The following RILP variants were observed in gnomAD, a reference collection of about 807,000 sequenced individuals.
RILP encodes Rab interacting lysosomal protein, also known as rab-interacting lysosomal protein.
Under a neutral mutation model 40.0 loss-of-function variants are expected in RILP, and 53 were observed. The ratio of observed to expected loss-of-function variants is 1.32; its 90% confidence interval spans 1.06 to 1.66. RILP has a LOEUF of 1.66. Among genes scored for constraint, RILP ranks in the 40% most tolerant of loss-of-function variants. The pLI, the probability that RILP is intolerant of heterozygous loss-of-function variation, is 0.00. For synonymous variants in RILP, 272 were observed against 250.6 expected, an observed-to-expected ratio of 1.09 and a Z score of -0.80; for missense variants, 626 against 551.7, an observed-to-expected ratio of 1.13 and a Z score of -1.35.
Position 1,648,340 on chromosome 17 carries a change from G to A in RILP, c.821+10C>T. 2 of 1,611,872 alleles carry A rather than the reference G, an allele frequency of 1.2e-6. No individual in the cohort carries two copies. The highest frequency in any genetic ancestry group is 1.7e-6 in the Non-Finnish European group (2 of 1,179,202). On this transcript the variant is annotated intron_variant, in intron 5 of 7. Coordinates refer to ENST00000301336, the MANE Select transcript of RILP (RefSeq NM_031430.3). This position sits in a 1 kb window ranked among gnomAD's most constrained non-coding sequence, Gnocchi z 4.9. ...TGATCGGAGGCCCCCCGGCTTCCCA[G>A]CGTCCTCACCGCTGGAAGTAGGCCA... is the stretch of plus-strand genomic sequence containing the variant.
At position 1,649,056 on chromosome 17, in the gene RILP, G is replaced by A. The variant is rs1204639336; in HGVS notation, c.430-12C>T. 5 of 795,920 alleles carry A rather than the reference G, an allele frequency of 6.3e-6. No homozygotes were observed. The highest frequency in any genetic ancestry group is 8.9e-5 in the East Asian group (1 of 11,242). 49.3% of individuals were successfully genotyped at this position (795,920 alleles called of 1,614,324 possible). On this transcript the variant is annotated splice_polypyrimidine_tract_variant and intron_variant, in intron 3 of 7. Transcript: ENST00000301336. This position sits in a 1 kb window ranked among gnomAD's most constrained non-coding sequence, Gnocchi z 4.3. ...AGCTGCTCCTGCAACTGGGAGCGGAGCAAAGGGTGGGGTGGGCGGGGCACC... is the reference window on the plus strand; with the variant it reads ...AGCTGCTCCTGCAACTGGGAGCGGAACAAAGGGTGGGGTGGGCGGGGCACC...
In RILP at chr17:1,649,588, C is replaced by T; in HGVS notation, c.217G>A (p.Ala73Thr). Residue 73 changes from alanine to threonine, a missense_variant, in exon 1 of 8, where the codon GCC becomes ACC. Coordinates refer to ENST00000301336, the MANE Select transcript of RILP (RefSeq NM_031430.3). The surrounding 1 kb of genome is among the most constrained non-coding windows in gnomAD (Gnocchi z 4.3). ...GGGCCATGACTCACCGAGTCCGGGG[C>T]GGGCCCCACGGCAGCCTGTTCCAAG... is the stretch of plus-strand genomic sequence containing the variant. ...ELLEQAAVGP[A>T]PDSLQVSAQP... 6.4e-7 allele frequency: 1 copy of T among 1,563,170 alleles called. No individual in the cohort carries two copies.
In RILP at chr17:1,649,772, A is replaced by G; in HGVS notation, c.33T>C (p.Pro11=). The G allele has an allele frequency of 6.4e-7, 1 of 1,570,696 alleles. No individual in the cohort carries two copies. Among genetic ancestry groups the G allele is most frequent in the South Asian group, 1.1e-5 (1 of 87,324 alleles). The part of the protein sequence containing the change: MEPRRAAPGV[P]GWGSREAAGS... ...CCGCGGCCTCCCGAGACCCCCAGCC[A>G]GGCACCCCGGGCGCCGCCCTCCTGG... The change falls in exon 1 of 8, where the codon CCT becomes CCC. Residue 11 remains proline, a synonymous_variant. Transcript: ENST00000301336. The surrounding 1 kb of genome is among the most constrained non-coding windows in gnomAD (Gnocchi z 4.3).
Position 1,646,714 on chromosome 17 carries a change from G to T in RILP, c.1029-95C>A. ...GGGATGGTGAGAAAAGGGGAGAGGG[G>T]GAAGAAAGGGCAGCCTGAGGGAGTG... On this transcript the variant is annotated intron_variant, in intron 7 of 7. Coordinates refer to ENST00000301336, the MANE Select transcript of RILP (RefSeq NM_031430.3). This position sits in a 1 kb window ranked among gnomAD's most constrained non-coding sequence, Gnocchi z 4.3. The T allele has an allele frequency of 7.6e-7, 1 of 1,321,356 alleles. No individual in the cohort carries two copies. The highest frequency in any genetic ancestry group is 1.0e-6 in the Non-Finnish European group (1 of 959,864). 81.9% of individuals were successfully genotyped at this position (1,321,356 alleles called of 1,614,324 possible).
chr17:1,648,466 G>A lies in RILP; in HGVS notation c.705C>T (p.Pro235=), dbSNP rs1910741144. ...PAEAAQQLGR[P]SEAGQCRFSR... ...TGAAGCGGCACTGCCCTGCCTCCGAGGGGCGCCCGAGCTGCTGCGCGGCCT... is the reference window on the plus strand; with the variant it reads ...TGAAGCGGCACTGCCCTGCCTCCGAAGGGCGCCCGAGCTGCTGCGCGGCCT... Residue 235 remains proline (P), a synonymous_variant, in exon 5 of 8, where the codon CCC becomes CCT. Coordinates refer to ENST00000301336, the MANE Select transcript of RILP (RefSeq NM_031430.3). This position sits in a 1 kb window ranked among gnomAD's most constrained non-coding sequence, Gnocchi z 4.9. 10 of 1,613,788 alleles carry A rather than the reference G, an allele frequency of 6.2e-6. No individual in the cohort carries two copies. Among genetic ancestry groups the A allele is most frequent in the Non-Finnish European group, 8.5e-6 (10 of 1,180,022 alleles).
rs1299283617 is a variant in RILP at position 1,648,893 on chromosome 17, G to C, written c.581C>G (p.Ala194Gly). ...EAATPQAKER[A>G]RGQAGRPGHQ... ...CCCGGGCCGCCCGGCCTGCCCCCGC[G>C]CTCGCTCTTTAGCCTGCGGAGTCGC... The change falls in exon 4 of 8, where the codon GCG becomes GGG. Residue 194 changes from alanine to glycine, a missense_variant. Coordinates refer to ENST00000301336, the MANE Select transcript of RILP (RefSeq NM_031430.3). The surrounding 1 kb of genome is among the most constrained non-coding windows in gnomAD (Gnocchi z 4.9). 4 of 1,528,184 alleles carry C rather than the reference G, an allele frequency of 2.6e-6. No individual in the cohort carries two copies. Among genetic ancestry groups the C allele is most frequent in the Admixed American group, 2.0e-5 (1 of 50,918 alleles). The allele number at this position is 1,528,184 out of a possible 1,614,324, so 94.7% of individuals were successfully genotyped here.
Position 1,649,330 on chromosome 17 carries a change from G to T in RILP, c.323-24C>A. On this transcript the variant is annotated intron_variant, in intron 2 of 7. Transcript: ENST00000301336. This position sits in a 1 kb window ranked among gnomAD's most constrained non-coding sequence, Gnocchi z 4.3. ...CTCTGAGGAAGGGGCGTTCTTAGCG[G>T]CGGCGGCGCGCGGCCCGCGGGAGGG... 1 of 1,489,126 alleles carries T rather than the reference G, an allele frequency of 6.7e-7. No homozygotes were observed. The highest frequency in any genetic ancestry group is 8.9e-7 in the Non-Finnish European group (1 of 1,126,216). The allele number at this position is 1,489,126 out of a possible 1,614,324, so 92.2% of individuals were successfully genotyped here. A position where few individuals can be genotyped will look rare whatever the true frequency, so the allele number is the denominator to read the frequency against.
intron 6 of RILP, 107 bp from the exon 7 acceptor site, chr17:1,647,096 G>C (rs1231314581): frequency 1.6e-6 from 1 of 607,444 alleles, no homozygotes; most frequent in African/African-American, 1.9e-5. Flanking sequence ...CGGGGCTGGA[G>C]AGAAGGCAAC....
rs775256168 is a variant in RILP, at chr17:1,649,617, T to G, written c.188A>C (p.Glu63Ala). The G allele has an allele frequency of 1.3e-6, 2 of 1,579,576 alleles. No homozygotes were observed. The highest frequency in any genetic ancestry group is 3.5e-5 in the Admixed American group (2 of 57,742). ...GLVPLVVRALELLEQAAVGPA... is the reference protein window; with the variant it reads ...GLVPLVVRALALLEQAAVGPA... ...CCCCACGGCAGCCTGTTCCAAGAGC[T>G]CCAGCGCCCGCACCACTAGCGGCAC... Residue 63 changes from glutamate (E) to alanine (A), a missense_variant, in exon 1 of 8, where the codon GAG (glutamate) becomes GCG (alanine). Physicochemically the swap from Glu to Ala is moderately radical, Grantham distance 107. Transcript: ENST00000301336. The surrounding 1 kb of genome is among the most constrained non-coding windows in gnomAD (Gnocchi z 4.3).
chr17:1,646,365 C>T lies in RILP; in HGVS notation c.*77G>A. The T allele has an allele frequency of 2.1e-6, 3 of 1,406,134 alleles. No individual in the cohort carries two copies. Among genetic ancestry groups the T allele is most frequent in the Non-Finnish European group, 2.9e-6 (3 of 1,040,988 alleles). 87.1% of individuals were successfully genotyped at this position (1,406,134 alleles called of 1,614,324 possible). On this transcript the variant is annotated 3_prime_UTR_variant, in exon 8 of 8. Transcript: ENST00000301336. The surrounding 1 kb of genome is among the most constrained non-coding windows in gnomAD (Gnocchi z 4.3). ...TGATGCAGGCCAGGATTGGGGCAGA[C>T]CCCTGGCGAGGGCTGTGAAGGCGGG...
Position 1,649,334 on chromosome 17 carries a change from C to T in RILP, c.323-28G>A. The stretch of plus-strand genomic sequence containing the variant: ...GAGGAAGGGGCGTTCTTAGCGGCGG[C>T]GGCGCGCGGCCCGCGGGAGGGAGGG... On this transcript the variant is annotated intron_variant, in intron 2 of 7. Coordinates refer to ENST00000301336, the MANE Select transcript of RILP (RefSeq NM_031430.3). This position sits in a 1 kb window ranked among gnomAD's most constrained non-coding sequence, Gnocchi z 4.3. 2.7e-6 allele frequency: 4 copies of T among 1,488,470 alleles called. No homozygotes were observed. Among genetic ancestry groups the T allele is most frequent in the South Asian group, 2.5e-5 (2 of 79,342 alleles). The allele number at this position is 1,488,470 out of a possible 1,614,324, so 92.2% of individuals were successfully genotyped here.
In RILP at chr17:1,649,709, G is replaced by T. The variant is rs9896488; in HGVS notation, c.96C>A (p.Ala32=). The T allele has an allele frequency of 0.013, 21,294 of 1,592,834 alleles. 1,397 individuals carry two copies. In the African/African-American group the frequency reaches 0.18, roughly 13 times the overall value. ...CCTGCAGCTCAGTGCCCAGGGCCCCGGCTAGATGGTACACAAGCTCCGCGG... is the reference window on the plus strand; with the variant it reads ...CCTGCAGCTCAGTGCCCAGGGCCCCTGCTAGATGGTACACAAGCTCCGCGG... ...ASAAELVYHL[A]GALGTELQDL... The change falls in exon 1 of 8, where the codon GCC becomes GCA. Residue 32 remains alanine (A), a synonymous_variant. Coordinates refer to ENST00000301336, the MANE Select transcript of RILP (RefSeq NM_031430.3). This position sits in a 1 kb window ranked among gnomAD's most constrained non-coding sequence, Gnocchi z 4.3.
chr17:1,649,759 G>A lies in RILP; in HGVS notation c.46C>T (p.Arg16Trp), dbSNP rs1910873193. The A allele has an allele frequency of 1.9e-6, 3 of 1,584,312 alleles. No individual in the cohort carries two copies. The highest frequency in any genetic ancestry group is 2.6e-6 in the Non-Finnish European group (3 of 1,172,840). Reference sequence around the variant, plus strand: ...GCCGATGCCGACCCCGCGGCCTCCCGAGACCCCCAGCCAGGCACCCCGGGC... The same window carrying A: ...GCCGATGCCGACCCCGCGGCCTCCCAAGACCCCCAGCCAGGCACCCCGGGC... ...AAPGVPGWGS[R>W]EAAGSASAAE... The change falls in exon 1 of 8, where the codon CGG becomes TGG. Residue 16 changes from arginine to tryptophan, a missense_variant. By Grantham distance (101) the Arg-to-Trp change is moderately radical. Coordinates refer to ENST00000301336, the MANE Select transcript of RILP (RefSeq NM_031430.3). The surrounding 1 kb of genome is among the most constrained non-coding windows in gnomAD (Gnocchi z 4.3).
chr17:1,648,359 T>G lies in RILP; in HGVS notation c.812A>C (p.Tyr271Ser), dbSNP rs143225615. The change falls in exon 5 of 8, where the codon TAC becomes TCC. Residue 271 changes from tyrosine (Y) to serine (S), a missense_variant. Transcript: ENST00000301336. This position sits in a 1 kb window ranked among gnomAD's most constrained non-coding sequence, Gnocchi z 4.9. ...TTCCCAGCGTCCTCACCGCTGGAAG[T>G]AGGCCAGTTCCTCCTTGAGCAGGAA... ...KVFLLKEELA[Y>S]FQRELLTDHR... The G allele has an allele frequency of 6.7e-4, 1,087 of 1,613,612 alleles. 7 individuals are homozygous for G. The African/African-American group carries it at 0.013, about 19-fold the overall frequency.
In RILP at chr17:1,648,960, C is replaced by G. The variant is rs1170906493; in HGVS notation, c.514G>C (p.Ala172Pro). The G allele has an allele frequency of 2.9e-5, 44 of 1,504,586 alleles. No individual in the cohort carries two copies. The highest frequency in any genetic ancestry group is 3.7e-5 in the Non-Finnish European group (42 of 1,132,584). 93.2% of individuals were successfully genotyped at this position (1,504,586 alleles called of 1,614,324 possible). The change falls in exon 4 of 8, where the codon GCG (alanine) becomes CCG (proline). Residue 172 changes from alanine to proline, a missense_variant. By Grantham distance (27) the Ala-to-Pro change is conservative (BLOSUM62 -1). Transcript: ENST00000301336. The surrounding 1 kb of genome is among the most constrained non-coding windows in gnomAD (Gnocchi z 4.9). ...TGGCGCTCCCTCTCGCGGTCCTGCGCGGCGCGCAGCTGGGTCTGCATGGCC... is the reference window on the plus strand; with the variant it reads ...TGGCGCTCCCTCTCGCGGTCCTGCGGGGCGCGCAGCTGGGTCTGCATGGCC... ...LAAMQTQLRA[A>P]QDRERERQQP...
In RILP at chr17:1,648,019, G is replaced by A; in HGVS notation, c.822-62C>T. The A allele has an allele frequency of 6.3e-7, 1 of 1,599,814 alleles. No individual in the cohort carries two copies. Among genetic ancestry groups the A allele is most frequent in the Non-Finnish European group, 8.5e-7 (1 of 1,174,034 alleles). The stretch of plus-strand genomic sequence containing the variant: ...GATGCCAGCCATGGGGATGCCAGCA[G>A]TGGAGATGCCAGCCGCAGTCCTCAC... On this transcript the variant is annotated intron_variant, in intron 5 of 7. Coordinates refer to ENST00000301336, the MANE Select transcript of RILP (RefSeq NM_031430.3). The surrounding 1 kb of genome is among the most constrained non-coding windows in gnomAD (Gnocchi z 4.9).
Position 1,649,694 on chromosome 17 carries a change from A to G in RILP, c.111T>C (p.Thr37=), listed in dbSNP as rs1260257940. The change falls in exon 1 of 8, where the codon ACT becomes ACC. Residue 37 remains threonine (T), a synonymous_variant. Transcript: ENST00000301336. This position sits in a 1 kb window ranked among gnomAD's most constrained non-coding sequence, Gnocchi z 4.3. ...AACGGCGCGCCAGATCCTGCAGCTC[A>G]GTGCCCAGGGCCCCGGCTAGATGGT... ...LVYHLAGALG[T]ELQDLARRFG... is the part of the protein sequence containing the mutation. 1 of 1,591,938 alleles carries G rather than the reference A, an allele frequency of 6.3e-7. No individual in the cohort carries two copies. Among genetic ancestry groups the G allele is most frequent in the South Asian group, 1.1e-5 (1 of 90,170 alleles).
At position 1,646,640 on chromosome 17, in the gene RILP, G is replaced by GC; in HGVS notation, c.1029-22dup. ...CAAAGCTGGAGAGAGACAGCCAGAG[G>GC]CACTTTGAGCCAGGAAGCCAGAGAG... On this transcript the variant is annotated intron_variant, in intron 7 of 7. Transcript: ENST00000301336. This position sits in a 1 kb window ranked among gnomAD's most constrained non-coding sequence, Gnocchi z 4.3. The GC allele has an allele frequency of 1.3e-6, 2 of 1,548,832 alleles. No individual in the cohort carries two copies. Among genetic ancestry groups the GC allele is most frequent in the Non-Finnish European group, 1.7e-6 (2 of 1,146,646 alleles).
At position 1,649,457 on chromosome 17, in the gene RILP, C is replaced by A. The variant is rs547548625; in HGVS notation, c.277G>T (p.Glu93Ter). Residue 93 changes from glutamate to a stop codon, truncating the protein, a stop_gained, in exon 2 of 8, where the codon GAG becomes TAG. Coordinates refer to ENST00000301336, the MANE Select transcript of RILP (RefSeq NM_031430.3). LOFTEE classifies it high-confidence loss of function. The surrounding 1 kb of genome is among the most constrained non-coding windows in gnomAD (Gnocchi z 4.3). ...PAEQELRRLR[E>*]ENERLRRELR... ...TCCCTGCGGAGGCGCTCGTTCTCCT[C>A]CCGCAGCCGCCGCAGCTCCTGCTCC... 1.3e-6 allele frequency: 2 copies of A among 1,511,440 alleles called. No homozygotes were observed. The highest frequency in any genetic ancestry group is 4.1e-5 in the Admixed American group (2 of 48,916). 93.6% of individuals were successfully genotyped at this position (1,511,440 alleles called of 1,614,324 possible). A position where few individuals can be genotyped will look rare whatever the true frequency, so the allele number is the denominator to read the frequency against.
Sources: allele counts gnomAD v4.1 joint callset, GRCh38; gene constraint gnomAD v4.1.1; non-coding constraint Gnocchi (gnomAD v3.1); transcripts MANE v1.5; gene names NCBI Gene and HGNC (gene_info 2026-07-23, HGNC 2026-07-21).